The following COLGALT2 variants were observed in gnomAD, a reference collection of about 807,000 sequenced individuals.
COLGALT2 encodes procollagen galactosyltransferase 2.
A neutral mutation model predicts 73.4 loss-of-function variants in COLGALT2; 49 were observed. The ratio of observed to expected loss-of-function variants is 0.67; its 90% CI spans 0.53 to 0.85. COLGALT2 has a LOEUF of 0.85. COLGALT2 is among the 40% of genes least tolerant of loss of function. The probability of loss-of-function intolerance (pLI) is 0.00; values close to 1 mark genes in which losing one functional copy is unlikely to be tolerated. For synonymous variants in COLGALT2, 295 were observed against 307.6 expected (o/e 0.96, Z 0.43); for missense variants, 722 against 790.2 (o/e 0.91, Z 1.03).
At chr1:183,930,044 C>T (rs1279893572) in exon 12 of COLGALT2, 3 of 325,402 alleles carry the variant, frequency 9.2e-6, no homozygotes, top group Non-Finnish European at 1.8e-5. Flanking sequence ...AACTCACAAA[C>T]TGTTCCCAAC....
At chr1:184,019,465 TG>T (rs1649109029) in intron 1 of COLGALT2, among the ~76,000 whole-genome samples, 1 of 152,234 alleles carries the variant, frequency 6.6e-6, no homozygotes, top group Admixed American at 6.5e-5. Context: ...TTCTCTGTTA[TG>T]TTAACTGATG....
At chr1:183,964,857 G>A (rs1371149797) in intron 5 of COLGALT2, among the ~76,000 whole-genome samples, 2 of 152,182 alleles carry the variant, frequency 1.3e-5, no homozygotes, top group African/African-American at 4.8e-5. Flanking sequence ...TAGTGAAAAG[G>A]ATGAGTCCGC....
chr1:183,944,129 C>A, intron 10 of COLGALT2, 67 bp downstream of exon 10: 1 of 1,503,274 alleles, frequency 6.7e-7, no homozygotes, highest in Non-Finnish European at 8.9e-7. Context: ...GGAGGTGGGG[C>A]TCTCTGCGCA....
At chr1:184,015,953 T>C (rs1384110918) in intron 1 of COLGALT2, among the ~76,000 whole-genome samples, 2 of 152,256 alleles carry the variant, frequency 1.3e-5, no homozygotes, top group Non-Finnish European at 2.9e-5. Context: ...CTTTAGTGAA[T>C]ATGCTGAAGA....
At position 183,938,763 on chromosome 1, in the gene COLGALT2, A is replaced by C. The variant is rs780604055; in HGVS notation, c.1879T>G (p.Ter627GlyextTer34). ...TGGGCCACACTCCCAGGGAGCCTTC[A>C]TAGCTCATCCCTTGAAGGCACAGTG... The part of the protein sequence containing the change: ...LDTVPSRDEL[*>G] Residue 627 changes from the stop codon to glycine, a stop_lost, in exon 12 of 12, where the codon TGA becomes GGA. Coordinates refer to ENST00000361927, the MANE Select transcript of COLGALT2 (RefSeq NM_015101.4). 7 of 1,613,962 alleles carry C rather than the reference A, an allele frequency of 4.3e-6. No homozygotes were observed.
In COLGALT2 at chr1:183,944,318, A is replaced by G; in HGVS notation, c.1275T>C (p.Ile425=). Residue 425 remains isoleucine, a synonymous_variant, in exon 10 of 12, where the codon ATT becomes ATC. Coordinates refer to ENST00000361927, the MANE Select transcript of COLGALT2 (RefSeq NM_015101.4). ...CAAGAGTCTTCTCTAGCTCTCGATC[A>G]ATTACCTGCAAAAGTCATCAGTAGG... is the stretch of plus-strand genomic sequence containing the variant. The part of the protein sequence containing the change: ...LSHYSVWKEV[I]DRELEKTLVI... 6.2e-7 allele frequency: 1 copy of G among 1,612,050 alleles called. No individual in the cohort carries two copies. The highest frequency in any genetic ancestry group is 8.5e-7 in the Non-Finnish European group (1 of 1,179,384).
At chr1:183,970,385 G>A (rs927305693) in intron 4 of COLGALT2, among the ~76,000 whole-genome samples, 1 of 152,316 alleles carries the variant, frequency 6.6e-6, no homozygotes, top group African/African-American at 2.4e-5. Context: ...TGCAAAGCCA[G>A]CACTCCGAAG....
At chr1:183,952,745 G>A (rs1424937936) in intron 7 of COLGALT2, among the ~76,000 whole-genome samples, 1 of 152,220 alleles carries the variant, frequency 6.6e-6, no homozygotes, top group African/African-American at 2.4e-5. Context: ...AGTAGATTAA[G>A]TGCATCCTAA....
chr1:183,933,532 C>T (rs1233302198), downstream of COLGALT2, among the ~76,000 whole-genome samples: 1 of 152,224 alleles, frequency 6.6e-6, no homozygotes, highest in Non-Finnish European at 1.5e-5. Flanking sequence ...AATGCCTGGA[C>T]AACTGAACTC....
chr1:184,026,235 G>A (rs1445310578), intron 1 of COLGALT2, among the ~76,000 whole-genome samples: 7 of 152,088 alleles, frequency 4.6e-5, no homozygotes, highest in Admixed American at 3.3e-4. Flanking sequence ...ACTGCCACCA[G>A]CCTCACTTCA....
chr1:184,007,619 G>T (rs549748890), intron 1 of COLGALT2, among the ~76,000 whole-genome samples: 2 of 152,226 alleles, frequency 1.3e-5, no homozygotes, highest in African/African-American at 4.8e-5. Context: ...CTCCTAATAT[G>T]TTCCTTCCTC....
chr1:184,025,856 G>C (rs982254713), intron 1 of COLGALT2, among the ~76,000 whole-genome samples: 8 of 152,224 alleles, frequency 5.3e-5, no homozygotes, highest in African/African-American at 1.4e-4. Context: ...CGATTATGCA[G>C]TTATGTGAAC....
rs566322273 is a variant in COLGALT2, at chr1:183,976,415, A to C, written c.375-1201T>G. 7.1e-4 allele frequency among the ~76,000 whole-genome samples: 106 copies of C among 150,266 alleles called. 1 individual carries two copies. Among genetic ancestry groups the C allele is most frequent in the African/African-American group, 2.4e-3 (100 of 41,238 alleles). Reference sequence around the variant, plus strand: ...ATTTATAATAATTCTTACATATAGAAAGACTAGAAGAACAGAAACTTGTTC... The same window carrying C: ...ATTTATAATAATTCTTACATATAGACAGACTAGAAGAACAGAAACTTGTTC... On this transcript the variant is annotated intron_variant, in intron 2 of 11. Coordinates refer to ENST00000361927, the MANE Select transcript of COLGALT2 (RefSeq NM_015101.4).
chr1:183,977,456 G>C (rs1671227319), intron 2 of COLGALT2, among the ~76,000 whole-genome samples: 1 of 137,744 alleles, frequency 7.3e-6, no homozygotes, highest in African/African-American at 2.7e-5. Flanking sequence ...GGGTGACATA[G>C]CAAGACTCTG....
At chr1:183,976,776 C>T (rs1404306066) in intron 2 of COLGALT2, among the ~76,000 whole-genome samples, 2 of 151,894 alleles carry the variant, frequency 1.3e-5, no homozygotes, top group African/African-American at 4.8e-5. Flanking sequence ...ATGTTGGTTG[C>T]GTATATCATT....
intron 1 of COLGALT2, among the ~76,000 whole-genome samples, chr1:183,991,329 T>C (rs1470513019): frequency 6.6e-6 from 1 of 152,228 alleles, no homozygotes; most frequent in African/African-American, 2.4e-5. Flanking sequence ...CAATATTAGA[T>C]GCATATAAAT....
chr1:184,010,043 G>T (rs1672191730), intron 1 of COLGALT2, among the ~76,000 whole-genome samples: 2 of 152,158 alleles, frequency 1.3e-5, no homozygotes, highest in Non-Finnish European at 2.9e-5. Flanking sequence ...TTCATCAAGG[G>T]GGAGGATCCT....
intron 1 of COLGALT2, among the ~76,000 whole-genome samples, chr1:184,003,100 G>T (rs1671974710): frequency 6.6e-6 from 1 of 152,078 alleles, no homozygotes; most frequent in Non-Finnish European, 1.5e-5. Flanking sequence ...GATCTATATG[G>T]AATAATCTCC....
At chr1:183,954,913 G>C (rs1558313286) in intron 6 of COLGALT2, 75 bp from the exon 7 acceptor site, 1 of 1,122,072 alleles carries the variant, frequency 8.9e-7, no homozygotes, top group Non-Finnish European at 1.4e-6. Context: ...CCGCATGCCT[G>C]ATCTCTAGGG....
Sources: allele counts gnomAD v4.1 joint callset (sites outside exome capture counted in the v4.1 genomes callset), GRCh38; gene constraint gnomAD v4.1.1; transcripts MANE v1.5; gene names NCBI Gene and HGNC (gene_info 2026-07-23, HGNC 2026-07-21).